Variants in TMEM132D observed in about 807,000 individuals in gnomAD.
TMEM132D encodes the protein mature OL transmembrane protein.
A neutral mutation model predicts 62.3 loss-of-function variants in TMEM132D; 21 were observed. That is an observed-to-expected ratio of 0.34 (90% CI 0.24 to 0.49). The LOEUF (loss-of-function observed/expected upper bound fraction) is 0.49, where lower values mean the gene tolerates loss of function less well. Among genes scored for constraint, TMEM132D ranks in the 20% least tolerant of loss-of-function variants. The pLI is 0.99. For synonymous variants in TMEM132D, 621 were observed against 575.6 expected, an observed-to-expected ratio of 1.08 and a Z score of -1.13; for missense variants, 1,346 against 1,402.8, an observed-to-expected ratio of 0.96 and a Z score of 0.65.
At chr12:129,844,235 A>G (rs533671282) in intron 1 of TMEM132D, among the ~76,000 whole-genome samples, 1 of 152,362 alleles carries the variant, frequency 6.6e-6, no homozygotes, top group African/African-American at 2.4e-5. Flanking sequence ...TTTTAATGAC[A>G]TACAATAACT....
At chr12:129,859,110 G>C (rs994640620) in intron 1 of TMEM132D, among the ~76,000 whole-genome samples, 2 of 152,224 alleles carry the variant, frequency 1.3e-5, no homozygotes, top group Non-Finnish European at 2.9e-5. Context: ...CTGCGGGAGG[G>C]TGTTCATCCG....
chr12:129,760,640 C>T (rs1229405416), intron 1 of TMEM132D, among the ~76,000 whole-genome samples: 11 of 93,904 alleles, frequency 1.2e-4, no homozygotes, highest in Non-Finnish European at 2.0e-4. Context: ...AGTCACTGCG[C>T]CCGGACTTTT....
At position 129,730,721 on chromosome 12, in the gene TMEM132D, G is replaced by C. The variant is rs150819892; in HGVS notation, c.80-30023C>G. Reference sequence around the variant, plus strand: ...CTCGGTGGGCACCATCTAATCAGCTGCCAGCACGGCTGGGATAAAAACAGG... The same window carrying C: ...CTCGGTGGGCACCATCTAATCAGCTCCCAGCACGGCTGGGATAAAAACAGG... On this transcript the variant is annotated intron_variant, in intron 1 of 8. Transcript: ENST00000422113. 2.0e-4 allele frequency among the ~76,000 whole-genome samples: 29 copies of C among 146,598 alleles called. 1 individual carries two copies. The highest frequency in any genetic ancestry group is 6.3e-4 in the African/African-American group (25 of 39,630).
At chr12:129,864,051 A>T (rs191448070) in intron 1 of TMEM132D, among the ~76,000 whole-genome samples, 8 of 152,340 alleles carry the variant, frequency 5.3e-5, no homozygotes, top group Admixed American at 5.2e-4. Flanking sequence ...AACAGCATGT[A>T]GCTGAGATGA....
At chr12:129,858,623 G>T (rs1284014153) in intron 1 of TMEM132D, among the ~76,000 whole-genome samples, 6 of 42,226 alleles carry the variant, frequency 1.4e-4, no homozygotes, top group African/African-American at 4.8e-4. Flanking sequence ...ACAGAGTCCT[G>T]GGAAACGGGA....
rs545805011 is a variant in TMEM132D, at chr12:129,487,036, G to T, written c.1115+44023C>A. Among the ~76,000 whole-genome samples the T allele has an allele frequency of 2.5e-4, 38 of 152,078 alleles. 1 individual carries two copies. In the South Asian group the frequency reaches 6.7e-3, roughly 27 times the overall value. On this transcript the variant is annotated intron_variant, in intron 3 of 8. Coordinates refer to ENST00000422113, the MANE Select transcript of TMEM132D (RefSeq NM_133448.3). ...TGTCTGCGAATGTTTGCGTATGGGG[G>T]GGGGGGTTGTGGGTGTAGCTGTGTG...
At chr12:129,536,587 C>A (rs180735050) in intron 2 of TMEM132D, among the ~76,000 whole-genome samples, 3 of 152,206 alleles carry the variant, frequency 2.0e-5, no homozygotes, top group Non-Finnish European at 4.4e-5. Context: ...CCGATCTGGA[C>A]GTCTTGGCCC....
At chr12:129,647,897 T>G (rs1166008166) in intron 2 of TMEM132D, among the ~76,000 whole-genome samples, 1 of 152,158 alleles carries the variant, frequency 6.6e-6, no homozygotes, top group Non-Finnish European at 1.5e-5. Context: ...CCTAACCGAT[T>G]TGCCTTTAAC....
intron 2 of TMEM132D, among the ~76,000 whole-genome samples, chr12:129,603,007 A>G (rs578219679): frequency 1.3e-5 from 2 of 152,264 alleles, no homozygotes; most frequent in East Asian, 1.9e-4. Flanking sequence ...AACCGCCCCC[A>G]TGATTCAATT....
chr12:129,879,136 A>G, intron 1 of TMEM132D, among the ~76,000 whole-genome samples: 1 of 151,808 alleles, frequency 6.6e-6, no homozygotes, highest in East Asian at 1.9e-4. Context: ...ATATTTAAAA[A>G]CTCCACTGGG....
intron 2 of TMEM132D, among the ~76,000 whole-genome samples, chr12:129,617,994 G>A (rs572574237): frequency 1.6e-4 from 25 of 152,284 alleles, no homozygotes; most frequent in Admixed American, 1.1e-3. Flanking sequence ...CCTCGACATC[G>A]GCACTTCACT....
At chr12:129,474,663 A>G (rs2137049343) in intron 3 of TMEM132D, among the ~76,000 whole-genome samples, 1 of 152,316 alleles carries the variant, frequency 6.6e-6, no homozygotes, top group East Asian at 1.9e-4. Flanking sequence ...ATTGACGTGG[A>G]TGCTGTCATC....
intron 2 of TMEM132D, among the ~76,000 whole-genome samples, chr12:129,576,428 A>G (rs1877659961): frequency 1.3e-5 from 2 of 151,978 alleles, no homozygotes; most frequent in South Asian, 4.1e-4. Flanking sequence ...ATATTTGTAT[A>G]TGTGTGTCTA....
At chr12:129,461,838 A>G (rs1326848037) in intron 3 of TMEM132D, among the ~76,000 whole-genome samples, 3 of 152,184 alleles carry the variant, frequency 2.0e-5, no homozygotes, top group African/African-American at 7.2e-5. Context: ...AGAAATAGCC[A>G]TATGGGTACA....
intron 3 of TMEM132D, among the ~76,000 whole-genome samples, chr12:129,338,764 T>G (rs1379768849): frequency 6.6e-6 from 1 of 152,214 alleles, no homozygotes; most frequent in Non-Finnish European, 1.5e-5. Context: ...CTCTGACATG[T>G]AGGAGAATAA....
chr12:129,470,233 T>C (rs1305660038), intron 3 of TMEM132D, among the ~76,000 whole-genome samples: 3 of 152,224 alleles, frequency 2.0e-5, no homozygotes, highest in Non-Finnish European at 1.5e-5. Flanking sequence ...ATTTGGATGA[T>C]AAACTTCACA....
chr12:129,606,618 C>T (rs1260059300), intron 2 of TMEM132D, among the ~76,000 whole-genome samples: 2 of 152,128 alleles, frequency 1.3e-5, no homozygotes, highest in Non-Finnish European at 2.9e-5. Flanking sequence ...CCAATACAGG[C>T]ACTACAGAAA....
intron 4 of TMEM132D, among the ~76,000 whole-genome samples, chr12:129,227,587 A>AT (rs1279662980): frequency 2.7e-5 from 4 of 145,862 alleles, no homozygotes; most frequent in African/African-American, 7.7e-5. Flanking sequence ...ATTTTTATTT[A>AT]TTTTTTAATA....
intron 3 of TMEM132D, among the ~76,000 whole-genome samples, chr12:129,382,886 T>C (rs1055749138): frequency 3.3e-5 from 5 of 152,202 alleles, no homozygotes; most frequent in African/African-American, 1.2e-4. Flanking sequence ...CTCAGTCTTT[T>C]GGTAGAATTG....
Sources: gnomAD v4.1 joint callset for allele counts (sites outside exome capture counted in the v4.1 genomes callset) on GRCh38, gnomAD v4.1.1 for gene constraint, MANE v1.5 for transcripts, NCBI Gene and HGNC (gene_info 2026-07-23, HGNC 2026-07-21) for gene names.